HEATR5A: variants seen among roughly 807,000 people sequenced by gnomAD.
HEATR5A encodes HEAT repeat-containing protein 5A.
In HEATR5A, 178 loss-of-function variants were observed where a neutral mutation model predicts 218.8. The ratio of observed to expected loss-of-function variants is 0.81; its 90% CI spans 0.72 to 0.92. HEATR5A has a LOEUF of 0.92. Ranked by LOEUF, HEATR5A falls within the 40% of genes least tolerant of loss-of-function variation. HEATR5A has a pLI of 0.00. For synonymous variants in HEATR5A, 864 were observed against 871.6 expected, an observed-to-expected ratio of 0.99 and a Z score of 0.15; for missense variants, 2,420 against 2,418.9, an observed-to-expected ratio of 1.00 and a Z score of -0.01.
Position 31,374,965 on chromosome 14 carries a change from G to T in HEATR5A, c.1712C>A (p.Pro571His). The T allele has an allele frequency of 6.2e-7, 1 of 1,601,282 alleles. No individual in the cohort carries two copies. Among genetic ancestry groups the T allele is most frequent in the Non-Finnish European group, 8.5e-7 (1 of 1,174,354 alleles). The change falls in exon 12 of 36, where the codon CCT becomes CAT. Residue 571 changes from proline to histidine, a missense_variant. Coordinates refer to ENST00000543095, the MANE Select transcript of HEATR5A (RefSeq NM_015473.4). Reference sequence around the variant, plus strand: ...AGCAAGGTGATGGCTAACAACTGCAGGACCTGTAATTTATTCAACTTGTCA... The same window carrying T: ...AGCAAGGTGATGGCTAACAACTGCATGACCTGTAATTTATTCAACTTGTCA... The part of the protein sequence containing the change: ...LLISALMTLG[P>H]AVVSHHLARV...
At chr14:31,406,348 C>A (rs1257332172) in intron 1 of HEATR5A, among the ~76,000 whole-genome samples, 1 of 152,130 alleles carries the variant, frequency 6.6e-6, no homozygotes, top group South Asian at 2.1e-4. Flanking sequence ...ATTTCATAAA[C>A]CTGCTGCTCC....
intron 9 of HEATR5A, among the ~76,000 whole-genome samples, chr14:31,385,848 C>G (rs1425421204): frequency 2.0e-5 from 3 of 152,130 alleles, no homozygotes; most frequent in Non-Finnish European, 4.4e-5. Context: ...GTGCCTCAGC[C>G]TCCCGAGTAG....
chr14:31,377,185 G>GAAAC, intron 11 of HEATR5A, among the ~76,000 whole-genome samples: 1 of 149,154 alleles, frequency 6.7e-6, no homozygotes, highest in African/African-American at 2.5e-5. Flanking sequence ...GCTCCTTGGA[G>GAAAC]AAACGGCTGA....
chr14:31,346,433 A>G (rs1901024690), intron 19 of HEATR5A, among the ~76,000 whole-genome samples: 1 of 152,194 alleles, frequency 6.6e-6, no homozygotes, highest in Non-Finnish European at 1.5e-5. Context: ...TCAGAGGGGG[A>G]AAGCTAACTG....
chr14:31,369,627 A>AAC (rs1901950064), intron 13 of HEATR5A, among the ~76,000 whole-genome samples: 1 of 148,786 alleles, frequency 6.7e-6, no homozygotes, highest in Non-Finnish European at 1.5e-5. Flanking sequence ...AAAAAAAAAA[A>AAC]AAAAAAAAAC....
In HEATR5A at chr14:31,308,996, G is replaced by T; in HGVS notation, c.4628C>A (p.Ser1543Ter). The T allele has an allele frequency of 8.7e-6, 14 of 1,613,820 alleles. No individual in the cohort carries two copies. Among genetic ancestry groups the T allele is most frequent in the Non-Finnish European group, 1.2e-5 (14 of 1,179,750 alleles). ...AGGGGACTTTATGGTAGCCCCAGAT[G>T]ATGAACCCTGACACATGGAAGTTGG... ...VTPTSMCQGS[S>*]SGATIKSPED... is the part of the protein sequence containing the mutation. The change falls in exon 29 of 36, where the codon TCA (serine) becomes TAA (stop). Residue 1543 changes from serine to a stop codon, truncating the protein, a stop_gained. Coordinates refer to ENST00000543095, the MANE Select transcript of HEATR5A (RefSeq NM_015473.4). LOFTEE classifies it high-confidence loss of function.
chr14:31,324,168 A>AAATTCTCGGGTGTGGGTGGGATAC (rs539793023), intron 23 of HEATR5A, among the ~76,000 whole-genome samples: 270 of 152,302 alleles, frequency 1.8e-3, no homozygotes, highest in Non-Finnish European at 3.0e-3. Context: ...AGGAGACTCA[A>AAATTCTCGGGTGTGGGTGGGATAC]AATTCTCGGG....
At chr14:31,372,734 G>A (rs954662104) in intron 12 of HEATR5A, among the ~76,000 whole-genome samples, 2 of 152,096 alleles carry the variant, frequency 1.3e-5, no homozygotes, top group Admixed American at 6.5e-5. Context: ...GGCTGAGACA[G>A]GAGAATCACT....
chr14:31,351,872 C>T (rs1901245551), intron 16 of HEATR5A, among the ~76,000 whole-genome samples: 1 of 152,006 alleles, frequency 6.6e-6, no homozygotes, highest in South Asian at 2.1e-4. Flanking sequence ...GCCTCGGCCT[C>T]TGAAAGTGCT....
intron 13 of HEATR5A, 64 bp downstream of exon 13, chr14:31,371,746 A>T: frequency 1.5e-6 from 1 of 662,372 alleles, no homozygotes; most frequent in Non-Finnish European, 2.4e-6. Flanking sequence ...TTGCCTTATT[A>T]ATGTACTTAA....
chr14:31,299,573 A>T (rs1042309948), intron 33 of HEATR5A, among the ~76,000 whole-genome samples: 7 of 151,904 alleles, frequency 4.6e-5, no homozygotes, highest in African/African-American at 1.5e-4. Flanking sequence ...TACAAAAAAA[A>T]TTAGCCAGGC....
intron 22 of HEATR5A, among the ~76,000 whole-genome samples, chr14:31,332,307 G>A (rs1396267399): frequency 6.6e-6 from 1 of 152,200 alleles, no homozygotes; most frequent in Non-Finnish European, 1.5e-5. Flanking sequence ...AATGTTGAGT[G>A]TGTTCTGACT....
At chr14:31,417,478 G>A (rs1353056341) in intron 1 of HEATR5A, among the ~76,000 whole-genome samples, 3 of 151,916 alleles carry the variant, frequency 2.0e-5, no homozygotes, top group African/African-American at 7.3e-5. Context: ...CCAGCTACTC[G>A]GGAGGCTGAG....
At chr14:31,300,618 G>A (rs1899339695) in intron 33 of HEATR5A, among the ~76,000 whole-genome samples, 1 of 152,020 alleles carries the variant, frequency 6.6e-6, no homozygotes, top group Non-Finnish European at 1.5e-5. Context: ...ATCCTTCCTG[G>A]AGCAGTCCAC....
chr14:31,387,515 T>C (rs753332516), intron 7 of HEATR5A, 140 bp from the exon 8 acceptor site: 24 of 724,844 alleles, frequency 3.3e-5, no homozygotes, highest in Non-Finnish European at 2.9e-5. Context: ...ACTTGAAATA[T>C]ACAAACATAG....
At chr14:31,379,687 C>T (rs2029904887) in intron 11 of HEATR5A, among the ~76,000 whole-genome samples, 1 of 152,184 alleles carries the variant, frequency 6.6e-6, no homozygotes, top group Admixed American at 6.5e-5. Flanking sequence ...TTTTCAGTGG[C>T]TCATGCTTAT....
At chr14:31,383,474 C>A in intron 10 of HEATR5A, 47 bp downstream of exon 10, 1 of 1,545,054 alleles carries the variant, frequency 6.5e-7, no homozygotes. Context: ...GAAGATACTT[C>A]TAACAAAAAG....
At chr14:31,359,193 T>A in intron 14 of HEATR5A, 136 bp from the exon 15 acceptor site, 1 of 833,452 alleles carries the variant, frequency 1.2e-6, no homozygotes. Flanking sequence ...GTATTTCTCA[T>A]CCTTGAAAAC....
chr14:31,341,049 A>C (rs1595115867), intron 21 of HEATR5A, among the ~76,000 whole-genome samples: 1 of 152,214 alleles, frequency 6.6e-6, no homozygotes, highest in Non-Finnish European at 1.5e-5. Context: ...ACTTTGGTGA[A>C]TACTCTAAAA....
Sources: gnomAD v4.1 joint callset for allele counts (sites outside exome capture counted in the v4.1 genomes callset) on GRCh38, gnomAD v4.1.1 for gene constraint, MANE v1.5 for transcripts, NCBI Gene and HGNC (gene_info 2026-07-23, HGNC 2026-07-21) for gene names.